Variants in DPF3 observed in about 807,000 individuals in gnomAD.
DPF3 encodes the protein double PHD fingers 3, also known as zinc finger protein DPF3.
In DPF3, 18 loss-of-function variants were observed where a neutral mutation model predicts 56.8. The observed-to-expected ratio is 0.32, with a 90% CI of 0.22 to 0.47. DPF3 has a LOEUF of 0.47. DPF3 is among the 20% of genes least tolerant of loss of function. DPF3 has a pLI of 1.00. For missense variants in DPF3, 403 were observed against 488.8 expected (o/e 0.82, Z 1.65); for synonymous variants, 188 against 180.2 (o/e 1.04, Z -0.35).
intron 1 of DPF3, among the ~76,000 whole-genome samples, chr14:72,819,215 T>C (rs1257437476): frequency 6.6e-6 from 1 of 152,224 alleles, no homozygotes. Flanking sequence ...GGTGAGAATA[T>C]ATAGCAACCA....
intron 8 of DPF3, among the ~76,000 whole-genome samples, chr14:72,643,050 AG>A (rs1885608293): frequency 6.6e-6 from 1 of 152,250 alleles, no homozygotes; most frequent in Non-Finnish European, 1.5e-5. Flanking sequence ...AGAATGGCTC[AG>A]GCAGCCCGCA....
intron 2 of DPF3, among the ~76,000 whole-genome samples, chr14:72,767,226 C>A (rs1488285720): frequency 1.3e-5 from 2 of 152,196 alleles, no homozygotes; most frequent in African/African-American, 4.8e-5. Context: ...TCTAGCGTCT[C>A]ATAACATAAC....
At chr14:72,841,900 T>C (rs1599488206) in intron 1 of DPF3, among the ~76,000 whole-genome samples, 1 of 151,970 alleles carries the variant, frequency 6.6e-6, no homozygotes, top group Admixed American at 6.6e-5. Context: ...CTGGAAAATA[T>C]CATGAGACTC....
At chr14:72,886,241 G>A (rs144646329) in intron 1 of DPF3, among the ~76,000 whole-genome samples, 27 of 152,266 alleles carry the variant, frequency 1.8e-4, no homozygotes, top group Admixed American at 9.2e-4. Context: ...GTGTAATGGC[G>A]CATGCCTACA....
At chr14:72,887,164 C>CACACAT (rs1158724332) in intron 1 of DPF3, among the ~76,000 whole-genome samples, 1 of 112,298 alleles carries the variant, frequency 8.9e-6, no homozygotes, top group Non-Finnish European at 2.1e-5. Context: ...CACACACACA[C>CACACAT]ACACACACAC....
rs140179498 is a variant in DPF3, at chr14:72,744,545, G to A, written c.301+8719C>T. Reference sequence around the variant, plus strand: ...TCATCCCACATGAGCAAAGTGCTTCGGGGGACTGAATCAGAAAAGGATGGT... The same window carrying A: ...TCATCCCACATGAGCAAAGTGCTTCAGGGGACTGAATCAGAAAAGGATGGT... On this transcript the variant is annotated intron_variant, in intron 3 of 10. Transcript: ENST00000556509. 3.0e-3 allele frequency among the ~76,000 whole-genome samples: 456 copies of A among 152,152 alleles called. 3 individuals carry two copies. Among genetic ancestry groups the A allele is most frequent in the African/African-American group, 0.01 (426 of 41,498 alleles).
chr14:72,812,245 C>T (rs1883080662), intron 1 of DPF3, among the ~76,000 whole-genome samples: 1 of 152,032 alleles, frequency 6.6e-6, no homozygotes, highest in Non-Finnish European at 1.5e-5. Flanking sequence ...CCACCCCCGG[C>T]CCCCAGCCTC....
At position 72,706,816 on chromosome 14, in the gene DPF3, TTTTTC is replaced by T. The variant is rs752918028; in HGVS notation, c.604+7602_604+7606del. ...AGGTATAGCTGGAACAGTGCTTTTTTTTTTCTTTTTTCTTTTATTATTATTATACT... is the reference window on the plus strand; with the variant it reads ...AGGTATAGCTGGAACAGTGCTTTTTTTTTTTTCTTTTATTATTATTATACT... On this transcript the variant is annotated intron_variant, in intron 6 of 10. Transcript: ENST00000556509. 1.5e-3 allele frequency among the ~76,000 whole-genome samples: 225 copies of T among 152,216 alleles called. 1 individual carries two copies. The highest frequency in any genetic ancestry group is 2.9e-3 in the Non-Finnish European group (196 of 68,014).
intron 9 of DPF3, among the ~76,000 whole-genome samples, chr14:72,624,762 A>G (rs1884720201): frequency 6.6e-6 from 1 of 152,192 alleles, no homozygotes; most frequent in South Asian, 2.1e-4. Flanking sequence ...CATGAGCTTG[A>G]CACTTTCAAA....
intron 8 of DPF3, among the ~76,000 whole-genome samples, chr14:72,667,470 A>C (rs1376317818): frequency 6.6e-6 from 1 of 152,206 alleles, no homozygotes; most frequent in Non-Finnish European, 1.5e-5. Flanking sequence ...TACTGAGCTG[A>C]GGGCAAAGGA....
intron 8 of DPF3, chr14:72,671,148 C>T (rs1386121819): frequency 1.9e-6 from 3 of 1,613,760 alleles, no homozygotes; most frequent in Non-Finnish European, 2.5e-6. Flanking sequence ...AGCAACTGCC[C>T]TTTTTATCTG....
chr14:72,817,906 CA>C (rs1286969015), intron 1 of DPF3, among the ~76,000 whole-genome samples: 1 of 151,916 alleles, frequency 6.6e-6, no homozygotes, highest in African/African-American at 2.4e-5. Context: ...ATGTTGTACA[CA>C]AAAAATAACA....
chr14:72,758,342 C>G (rs772482147), intron 2 of DPF3, among the ~76,000 whole-genome samples: 1 of 152,174 alleles, frequency 6.6e-6, no homozygotes, highest in Non-Finnish European at 1.5e-5. Flanking sequence ...CCCCAGCTTA[C>G]AGCCTTAAGA....
At chr14:72,885,974 A>G (rs1375539778) in intron 1 of DPF3, among the ~76,000 whole-genome samples, 2 of 152,220 alleles carry the variant, frequency 1.3e-5, no homozygotes, top group East Asian at 1.9e-4. Flanking sequence ...TTCCCCTGAT[A>G]TGGGGTGCTA....
intron 5 of DPF3, among the ~76,000 whole-genome samples, chr14:72,717,367 G>C (rs996866450): frequency 1.3e-5 from 2 of 152,234 alleles, no homozygotes; most frequent in Non-Finnish European, 1.5e-5. Flanking sequence ...GCTGTTGAGA[G>C]AGTTTGAGCT....
chr14:72,754,859 A>T (rs1163849610), intron 2 of DPF3, among the ~76,000 whole-genome samples: 3 of 152,248 alleles, frequency 2.0e-5, no homozygotes, highest in African/African-American at 7.2e-5. Context: ...TTTATGTTTA[A>T]TCACACAGCT....
rs1884218154 is a variant in DPF3 at position 72,618,405 on chromosome 14, C to T, written c.*892G>A. ...TCCCCTTCCTGGTTCTTCAGTCCCACCAGGAGAAGCTGAACCAGGTCTCCA... is the reference window on the plus strand; with the variant it reads ...TCCCCTTCCTGGTTCTTCAGTCCCATCAGGAGAAGCTGAACCAGGTCTCCA... On this transcript the variant is annotated 3_prime_UTR_variant, in exon 11 of 11. Coordinates refer to ENST00000556509, the MANE Select transcript of DPF3 (RefSeq NM_001280542.3). Among the ~76,000 whole-genome samples the T allele has an allele frequency of 6.6e-6, 1 of 152,216 alleles. No individual in the cohort carries two copies. The highest frequency in any genetic ancestry group is 1.5e-5 in the Non-Finnish European group (1 of 68,036).
chr14:72,626,925 CT>C (rs201737812), intron 9 of DPF3, among the ~76,000 whole-genome samples: 349 of 139,452 alleles, frequency 2.5e-3, no homozygotes, highest in East Asian at 4.1e-3. Context: ...TGCATTTGAA[CT>C]TTTTTTTTTT....
intron 1 of DPF3, among the ~76,000 whole-genome samples, chr14:72,875,227 C>A (rs1194966472): frequency 1.3e-5 from 2 of 152,106 alleles, no homozygotes; most frequent in Non-Finnish European, 2.9e-5. Context: ...GAGGACACAG[C>A]CAAACCATAT....
Sources: gnomAD v4.1 joint callset for allele counts (sites outside exome capture counted in the v4.1 genomes callset) on GRCh38, gnomAD v4.1.1 for gene constraint, MANE v1.5 for transcripts, NCBI Gene and HGNC (gene_info 2026-07-23, HGNC 2026-07-21) for gene names.